The following FIP1L1 variants were observed in gnomAD, a reference collection of about 807,000 sequenced individuals.
The protein encoded by FIP1L1 is factor interacting with PAPOLA and CPSF1.
A neutral mutation model predicts 84.6 loss-of-function variants in FIP1L1; 21 were observed. The ratio of observed to expected loss-of-function variants is 0.25; its 90% CI spans 0.18 to 0.36. FIP1L1 has a LOEUF of 0.36. Ranked by LOEUF, FIP1L1 falls within the 10% of genes least tolerant of loss-of-function variation. FIP1L1 has a pLI of 1.00. For missense variants in FIP1L1, 526 were observed against 751.1 expected (o/e 0.70, Z 3.50); for synonymous variants, 263 against 242.3 (o/e 1.09, Z -0.80).
chr4:53,413,968 A>T (rs1226240109), intron 10 of FIP1L1, among the ~76,000 whole-genome samples: 1 of 152,156 alleles, frequency 6.6e-6, no homozygotes, highest in African/African-American at 2.4e-5. Flanking sequence ...AAACAAGCAG[A>T]TGCATAAACA....
In FIP1L1 at chr4:53,413,038, T is replaced by A. The variant is rs185109186; in HGVS notation, c.816-1577T>A. Among the ~76,000 whole-genome samples, 744 of 152,270 alleles carry A rather than the reference T, an allele frequency of 4.9e-3. 4 individuals are homozygous for A. The highest frequency in any genetic ancestry group is 7.6e-3 in the Non-Finnish European group (518 of 67,984). On this transcript the variant is annotated intron_variant, in intron 10 of 17. Coordinates refer to ENST00000337488, the MANE Select transcript of FIP1L1 (RefSeq NM_030917.4). ...GTATGTGTGACTTACAAATGTAGCT[T>A]ATTTGTATACATGGTGTTTAAACCG...
chr4:53,402,836 T>C (rs562032341), intron 10 of FIP1L1, among the ~76,000 whole-genome samples: 1 of 152,212 alleles, frequency 6.6e-6, no homozygotes, highest in South Asian at 2.1e-4. Flanking sequence ...TAATATGAAG[T>C]AGAGAAGTTG....
At chr4:53,392,804 A>C (rs1744964061) in intron 9 of FIP1L1, among the ~76,000 whole-genome samples, 1 of 152,166 alleles carries the variant, frequency 6.6e-6, no homozygotes, top group Non-Finnish European at 1.5e-5. Flanking sequence ...GTACTGAAAA[A>C]TTTATTTTGA....
chr4:53,411,327 C>T (rs1757113444), intron 10 of FIP1L1, among the ~76,000 whole-genome samples: 1 of 152,134 alleles, frequency 6.6e-6, no homozygotes. Context: ...TGAATAATTA[C>T]CACTGCTACC....
Position 53,383,786 on chromosome 4 carries a change from C to T in FIP1L1, c.242C>T (p.Thr81Ile), listed in dbSNP as rs1164022307. 6.2e-7 allele frequency: 1 copy of T among 1,609,400 alleles called. No individual in the cohort carries two copies. The highest frequency in any genetic ancestry group is 2.2e-5 in the East Asian group (1 of 44,800). ...ATGTTCATGTAGAAAGTGACTGAGA[C>T]CGAAGATGATAGTGATAGTGACAGC... Reference protein sequence around the residue: ...NGVPKPKVTETEDDSDSDSDD... With the variant: ...NGVPKPKVTEIEDDSDSDSDD... Residue 81 changes from threonine to isoleucine, a missense_variant, in exon 5 of 18, where the codon ACC (threonine) becomes ATC (isoleucine). Physicochemically the swap from Thr to Ile is moderately conservative, Grantham distance 89. Around this residue, in one of 6 missense-constraint regions of FIP1L1, gnomAD observed 100 missense variants for 107.2 expected, o/e 0.93. Coordinates refer to ENST00000337488, the MANE Select transcript of FIP1L1 (RefSeq NM_030917.4).
At chr4:53,390,781 C>G (rs1444414397) in intron 7 of FIP1L1, among the ~76,000 whole-genome samples, 153 bp downstream of exon 7, 1 of 152,024 alleles carries the variant, frequency 6.6e-6, no homozygotes, top group Non-Finnish European at 1.5e-5. Flanking sequence ...ATTATTAAAT[C>G]TTACTGGTGG....
intron 15 of FIP1L1, among the ~76,000 whole-genome samples, chr4:53,444,610 T>C (rs1399754913): frequency 6.6e-6 from 1 of 152,298 alleles, no homozygotes; most frequent in East Asian, 1.9e-4. Context: ...CTAATTTTTT[T>C]TTGGAGACAG....
chr4:53,443,913 T>C, intron 14 of FIP1L1, 135 bp from the exon 15 acceptor site: 1 of 530,398 alleles, frequency 1.9e-6, no homozygotes, highest in Non-Finnish European at 3.3e-6. Flanking sequence ...TTAATAAAAT[T>C]ATAGAACTAA....
chr4:53,430,111 A>G (rs1216786779), intron 13 of FIP1L1, among the ~76,000 whole-genome samples: 1 of 152,152 alleles, frequency 6.6e-6, no homozygotes, highest in African/African-American at 2.4e-5. Context: ...GACAGAATGA[A>G]AGGATTTCCT....
At chr4:53,382,829 A>G (rs188133032) in intron 4 of FIP1L1, among the ~76,000 whole-genome samples, 2 of 152,346 alleles carry the variant, frequency 1.3e-5, no homozygotes, top group Non-Finnish European at 2.9e-5. Context: ...GAAGTTGTAT[A>G]CAAAAAAGTA....
At position 53,459,863 on chromosome 4, in the gene FIP1L1, A is replaced by AAAACT. The variant is rs1392608834; in HGVS notation, c.*416_*420dup. On this transcript the variant is annotated 3_prime_UTR_variant, in exon 18 of 18. Coordinates refer to ENST00000337488, the MANE Select transcript of FIP1L1 (RefSeq NM_030917.4). ...AAGGGCCCCTCTAAGGCTTGAGATT[A>AAAACT]AAACTAGTCTTTATCATTACTGCTG... 2.9e-5 allele frequency: 7 copies of AAAACT among 241,718 alleles called. No homozygotes were observed. The South Asian group carries it at 4.0e-4, about 14-fold the overall frequency. 15.0% of individuals were successfully genotyped at this position (241,718 alleles called of 1,614,324 possible).
chr4:53,413,287 A>G (rs1224411466), intron 10 of FIP1L1, among the ~76,000 whole-genome samples: 1 of 152,078 alleles, frequency 6.6e-6, no homozygotes, highest in Non-Finnish European at 1.5e-5. Flanking sequence ...TTAGTGGGGA[A>G]TGGTAATTAA....
intron 16 of FIP1L1, 92 bp from the exon 17 acceptor site, chr4:53,458,561 A>AG: frequency 7.6e-7 from 1 of 1,321,850 alleles, no homozygotes; most frequent in Non-Finnish European, 1.0e-6. Context: ...AGGATTTTGG[A>AG]TTTGGACTGC....
chr4:53,443,965 C>T, intron 14 of FIP1L1, 83 bp from the exon 15 acceptor site: 5 of 821,822 alleles, frequency 6.1e-6, no homozygotes, highest in East Asian at 2.7e-5. Context: ...TGTAATTTTG[C>T]CTTGTTTTTC....
chr4:53,399,587 CTAA>C (rs1749179728), intron 9 of FIP1L1, 140 bp from the exon 10 acceptor site: 1 of 591,804 alleles, frequency 1.7e-6, no homozygotes, highest in Non-Finnish European at 2.9e-6. Flanking sequence ...CTAAAATAGG[CTAA>C]TTTTAATAAA....
At chr4:53,431,966 G>A (rs1766888429) in intron 13 of FIP1L1, among the ~76,000 whole-genome samples, 1 of 152,110 alleles carries the variant, frequency 6.6e-6, no homozygotes, top group Non-Finnish European at 1.5e-5. Context: ...AGAGGACAAA[G>A]TATTTCTGGC....
At chr4:53,457,565 G>A (rs545745290) in intron 16 of FIP1L1, among the ~76,000 whole-genome samples, 11 of 152,200 alleles carry the variant, frequency 7.2e-5, no homozygotes, top group African/African-American at 2.4e-4. Context: ...AGGCTGACAT[G>A]TCTTTTAAAA....
rs1310609284 is a variant in FIP1L1 at position 53,377,848 on chromosome 4, G to A, written c.10G>A (p.Gly4Ser). ...TGCGCTCGGGGCGGCCATGTCGGCC[G>A]GCGAGGTCGAGCGCCTAGTGTCGGA... Reference protein sequence around the residue: MSAGEVERLVSELS... With the variant: MSASEVERLVSELS... The change falls in exon 1 of 18, where the codon GGC (glycine) becomes AGC (serine). Residue 4 changes from glycine (G) to serine (S), a missense_variant. This residue lies in a region of FIP1L1 where 100 missense variants were observed against 107.2 expected (regional missense o/e 0.93). Coordinates refer to ENST00000337488, the MANE Select transcript of FIP1L1 (RefSeq NM_030917.4). 6.3e-7 allele frequency: 1 copy of A among 1,586,192 alleles called. No individual in the cohort carries two copies. Among genetic ancestry groups the A allele is most frequent in the Non-Finnish European group, 8.6e-7 (1 of 1,166,162 alleles).
At chr4:53,418,285 A>ATAAG (rs1760721748) in intron 11 of FIP1L1, among the ~76,000 whole-genome samples, 1 of 152,120 alleles carries the variant, frequency 6.6e-6, no homozygotes, top group South Asian at 2.1e-4. Flanking sequence ...TGGTCTCTAA[A>ATAAG]TAAATAAATA....
Sources: allele counts gnomAD v4.1 joint callset (sites outside exome capture counted in the v4.1 genomes callset), GRCh38; gene constraint gnomAD v4.1.1; regional missense constraint gnomAD v4.1.1; transcripts MANE v1.5; gene names NCBI Gene and HGNC (gene_info 2026-07-23, HGNC 2026-07-21).